TMA16: variants seen among roughly 807,000 people sequenced by gnomAD.
TMA16 encodes the protein translation machinery associated 16 homolog.
In TMA16, 26 loss-of-function variants were observed where a neutral mutation model predicts 27.1. The ratio of observed to expected loss-of-function variants is 0.96; its 90% CI spans 0.70 to 1.33. TMA16 has a LOEUF of 1.33. Ranked by LOEUF, TMA16 falls within the 40% of genes most tolerant of loss-of-function variation. The pLI, the probability that TMA16 is intolerant of heterozygous loss-of-function variation, is 0.00. For synonymous variants in TMA16, 71 were observed against 81.9 expected (o/e 0.87, Z 0.72); for missense variants, 233 against 241.4 (o/e 0.97, Z 0.23).
At chr4:163,512,904 A>G (rs1227495747) in intron 3 of TMA16, 45 bp downstream of exon 3, 3 of 1,464,064 alleles carry the variant, frequency 2.0e-6, no homozygotes, top group Non-Finnish European at 2.8e-6. Flanking sequence ...AGTATAGGGC[A>G]TTTCTGCCCT....
intron 5 of TMA16, chr4:163,515,707 T>G (rs1737866608): frequency 3.0e-6 from 1 of 338,352 alleles, no homozygotes; most frequent in East Asian, 5.6e-5. Flanking sequence ...TAATACTGAT[T>G]ACTTTCACAT....
In TMA16 at chr4:163,519,922, C is replaced by T. The variant is rs572776228; in HGVS notation, c.*408C>T. 1.8e-5 allele frequency: 10 copies of T among 555,662 alleles called. No individual in the cohort carries two copies. Among genetic ancestry groups the T allele is most frequent in the Admixed American group, 1.7e-4 (5 of 29,270 alleles). 34.4% of individuals were successfully genotyped at this position (555,662 alleles called of 1,614,324 possible). On this transcript the variant is annotated 3_prime_UTR_variant, in exon 7 of 7. Transcript: ENST00000358572. ...CTGTGATAATAGCAAAATTGTTTTT[C>T]GGTAATAATATCACACTAATGCTTC...
intron 5 of TMA16, chr4:163,517,111 C>T (rs1737891925): frequency 4.1e-6 from 1 of 246,512 alleles, no homozygotes; most frequent in African/African-American, 2.3e-5. Flanking sequence ...ACCTTGTTAG[C>T]CAGGATGGTC....
intron 1 of TMA16, among the ~76,000 whole-genome samples, chr4:163,497,983 T>A (rs547005413): frequency 3.9e-5 from 6 of 152,306 alleles, no homozygotes; most frequent in Non-Finnish European, 7.4e-5. Flanking sequence ...ATATGTATGT[T>A]CCCTAACCTT....
Position 163,517,421 on chromosome 4 carries a change from CT to C in TMA16, c.389-10del, listed in dbSNP as rs774236818. ...AACATTGCCTCATGGAGATAAATTA[CT>C]TTCTTTTCCAGAGATTCCAGACATT... On this transcript the variant is annotated splice_polypyrimidine_tract_variant and intron_variant, in intron 5 of 6. Coordinates refer to ENST00000358572, the MANE Select transcript of TMA16 (RefSeq NM_018352.3). 3.1e-6 allele frequency: 5 copies of C among 1,609,580 alleles called. No individual in the cohort carries two copies. The Middle Eastern group carries it at 5.0e-4, about 160-fold the overall frequency.
intron 1 of TMA16, among the ~76,000 whole-genome samples, chr4:163,503,471 T>C (rs1737676235): frequency 6.6e-6 from 1 of 152,230 alleles, no homozygotes; most frequent in Admixed American, 6.5e-5. Flanking sequence ...GATGGTCTTT[T>C]AGGCAAAGTT....
In TMA16 at chr4:163,519,661, A is replaced by G. The variant is rs1579022323; in HGVS notation, c.*147A>G. On this transcript the variant is annotated 3_prime_UTR_variant, in exon 7 of 7. Transcript: ENST00000358572. ...TCATTTGCGTTTCAAAAATGGTGTT[A>G]TGATACTTATTTTAAAATGAAGATT... 3.9e-6 allele frequency: 3 copies of G among 763,928 alleles called. No homozygotes were observed. The highest frequency in any genetic ancestry group is 6.2e-5 in the East Asian group (2 of 32,238). 47.3% of individuals were successfully genotyped at this position (763,928 alleles called of 1,614,324 possible).
At chr4:163,517,655 C>T in intron 6 of TMA16, 179 bp downstream of exon 6, 3 of 541,128 alleles carry the variant, frequency 5.5e-6, no homozygotes, top group Non-Finnish European at 9.6e-6. Flanking sequence ...AGTTGATCTG[C>T]ACCAACAGGA....
At chr4:163,500,884 T>A (rs1398378292) in intron 1 of TMA16, among the ~76,000 whole-genome samples, 1 of 152,238 alleles carries the variant, frequency 6.6e-6, no homozygotes, top group Non-Finnish European at 1.5e-5. Flanking sequence ...AGTGGCTGTA[T>A]GCCTGTACTA....
intron 1 of TMA16, among the ~76,000 whole-genome samples, chr4:163,502,848 A>G (rs975975606): frequency 1.3e-5 from 2 of 151,182 alleles, no homozygotes; most frequent in African/African-American, 4.9e-5. Context: ...CATCATTTCG[A>G]TCATGTCACT....
chr4:163,518,074 G>A (rs1737911578), intron 6 of TMA16, among the ~76,000 whole-genome samples: 1 of 151,858 alleles, frequency 6.6e-6, no homozygotes, highest in Non-Finnish European at 1.5e-5. Context: ...GAGTAAGAAT[G>A]AATCTACCCA....
At chr4:163,502,193 A>G (rs540958554) in intron 1 of TMA16, among the ~76,000 whole-genome samples, 6 of 152,352 alleles carry the variant, frequency 3.9e-5, no homozygotes, top group Admixed American at 3.3e-4. Context: ...AGAATCTAAA[A>G]TGAAGATAAA....
At position 163,494,790 on chromosome 4, in the gene TMA16, G is replaced by A; in HGVS notation, c.-12G>A. 6.2e-7 allele frequency: 1 copy of A among 1,612,712 alleles called. No individual in the cohort carries two copies. The highest frequency in any genetic ancestry group is 8.5e-7 in the Non-Finnish European group (1 of 1,180,032). ...GAGTGCGGAGCTGCTCCGTGGCCAC[G>A]AGGACGTCACCATGGTGGGCCCCCT... On this transcript the variant is annotated 5_prime_UTR_variant, in exon 1 of 7. Coordinates refer to ENST00000358572, the MANE Select transcript of TMA16 (RefSeq NM_018352.3).
chr4:163,515,425 G>A lies in TMA16; in HGVS notation c.352G>A (p.Glu118Lys). The change falls in exon 5 of 7, where the codon GAG (glutamate) becomes AAG (lysine). Residue 118 changes from glutamate (E) to lysine (K), a missense_variant. Glu to Lys is a moderately conservative substitution (Grantham distance 56). Coordinates refer to ENST00000358572, the MANE Select transcript of TMA16 (RefSeq NM_018352.3). ...SRETVIKQTM[E>K]RERQQFEGYG... ...GGAGACCGTCATCAAGCAGACGATGGAGCGGGAGCGACAGCAGTTTGAGGG... is the reference window on the plus strand; with the variant it reads ...GGAGACCGTCATCAAGCAGACGATGAAGCGGGAGCGACAGCAGTTTGAGGG... 6.2e-7 allele frequency: 1 copy of A among 1,614,034 alleles called. No individual in the cohort carries two copies. The highest frequency in any genetic ancestry group is 8.5e-7 in the Non-Finnish European group (1 of 1,179,986).
At chr4:163,510,103 C>T (rs1737771676) in intron 2 of TMA16, among the ~76,000 whole-genome samples, 1 of 152,150 alleles carries the variant, frequency 6.6e-6, no homozygotes, top group East Asian at 1.9e-4. Flanking sequence ...CCACTGAGTC[C>T]ATTCAGAATT....
chr4:163,494,879 G>C (rs1377481404), intron 1 of TMA16, 75 bp downstream of exon 1: 1 of 1,599,374 alleles, frequency 6.3e-7, no homozygotes, highest in African/African-American at 1.3e-5. Context: ...CAGAGAGGGA[G>C]GGTGCGGTTT....
At chr4:163,503,623 A>G (rs187384673) in intron 1 of TMA16, among the ~76,000 whole-genome samples, 1 of 152,316 alleles carries the variant, frequency 6.6e-6, no homozygotes, top group African/African-American at 2.4e-5. Context: ...TTCAGACTGA[A>G]TTTTTTGAAT....
At chr4:163,503,408 G>A (rs887444661) in intron 1 of TMA16, among the ~76,000 whole-genome samples, 3 of 152,140 alleles carry the variant, frequency 2.0e-5, no homozygotes, top group Non-Finnish European at 4.4e-5. Flanking sequence ...GTTTCACTGA[G>A]TAGTCTAAAT....
chr4:163,502,824 A>C (rs1579015042), intron 1 of TMA16, among the ~76,000 whole-genome samples: 1 of 152,306 alleles, frequency 6.6e-6, no homozygotes, highest in East Asian at 1.9e-4. Flanking sequence ...AAAAAAGTGT[A>C]GATTTGCTTA....
Sources: gnomAD v4.1 joint callset for allele counts (sites outside exome capture counted in the v4.1 genomes callset) on GRCh38, gnomAD v4.1.1 for gene constraint, MANE v1.5 for transcripts, NCBI Gene and HGNC (gene_info 2026-07-23, HGNC 2026-07-21) for gene names.